Variants in PLXDC1 observed in about 807,000 individuals in gnomAD.
PLXDC1 encodes the protein plexin domain containing 1.
Under a neutral mutation model 61.3 loss-of-function variants are expected in PLXDC1, and 39 were observed. The ratio of observed to expected loss-of-function variants is 0.64; its 90% CI spans 0.49 to 0.83. The LOEUF (loss-of-function observed/expected upper bound fraction) is 0.83. Ranked by LOEUF, PLXDC1 falls within the 40% of genes least tolerant of loss-of-function variation. The probability of loss-of-function intolerance (pLI) is 0.00; values close to 1 mark genes in which losing one functional copy is unlikely to be tolerated. For missense variants in PLXDC1, 596 were observed against 666.5 expected (o/e 0.89, Z 1.17); for synonymous variants, 212 against 254.5 (o/e 0.83, Z 1.59).
chr17:39,067,636 T>C lies in PLXDC1; in HGVS notation c.*204A>G, dbSNP rs76297399. ...GGATGAGATTAGGTTGTTGTTCCTA[T>C]AAAAAATCCATGTGGTTGTTTTTTG... is the stretch of plus-strand genomic sequence containing the variant. On this transcript the variant is annotated 3_prime_UTR_variant, in exon 14 of 14. Coordinates refer to ENST00000315392, the MANE Select transcript of PLXDC1 (RefSeq NM_020405.5). 2,694 of 522,338 alleles carry C rather than the reference T, an allele frequency of 5.2e-3. 66 individuals are homozygous for C. The highest frequency in any genetic ancestry group is 0.046 in the African/African-American group (2,426 of 52,892). 32.4% of individuals were successfully genotyped at this position (522,338 alleles called of 1,614,324 possible).
chr17:39,116,054 G>T (rs1910955038), intron 2 of PLXDC1, among the ~76,000 whole-genome samples: 1 of 152,194 alleles, frequency 6.6e-6, no homozygotes, highest in South Asian at 2.1e-4. Flanking sequence ...AGGAGTGGAG[G>T]TTGCTGTGAG....
intron 7 of PLXDC1, among the ~76,000 whole-genome samples, chr17:39,101,393 A>G (rs924121724): frequency 6.6e-6 from 1 of 152,166 alleles, no homozygotes; most frequent in Non-Finnish European, 1.5e-5. Flanking sequence ...CCTCATGAGG[A>G]GCCATGTGGT....
At chr17:39,116,243 GA>G (rs1013972815) in intron 2 of PLXDC1, among the ~76,000 whole-genome samples, 36 of 152,290 alleles carry the variant, frequency 2.4e-4, no homozygotes, top group African/African-American at 8.7e-4. Flanking sequence ...CCGGGAAGGT[GA>G]CTTAGGCTAC....
At chr17:39,128,116 T>C (rs866631321) in intron 2 of PLXDC1, among the ~76,000 whole-genome samples, 273 of 67,414 alleles carry the variant, frequency 4.0e-3, no homozygotes, top group Middle Eastern at 6.5e-3. Context: ...TATATATATG[T>C]ATATATATAT....
At chr17:39,112,148 A>G (rs1910825966) in intron 2 of PLXDC1, 1 of 152,240 alleles carries the variant, frequency 6.6e-6, no homozygotes, top group African/African-American at 2.4e-5. Flanking sequence ...GCACAAAGGA[A>G]GAGTCCGATG....
chr17:39,086,834 C>T (rs1452485291), intron 8 of PLXDC1, among the ~76,000 whole-genome samples: 2 of 127,936 alleles, frequency 1.6e-5, no homozygotes, highest in African/African-American at 6.0e-5. Flanking sequence ...TGCACTCTAG[C>T]CTGGGCAACA....
intron 2 of PLXDC1, among the ~76,000 whole-genome samples, chr17:39,110,737 C>T (rs1475614269): frequency 2.6e-5 from 4 of 152,338 alleles, no homozygotes; most frequent in East Asian, 1.9e-4. Flanking sequence ...TTGCCCTGGG[C>T]GCAGCGTGAG....
At chr17:39,068,660 GAGT>G (rs2143203388) in intron 13 of PLXDC1, among the ~76,000 whole-genome samples, 1 of 152,316 alleles carries the variant, frequency 6.6e-6, no homozygotes, top group South Asian at 2.1e-4. Flanking sequence ...CTAGGCGACA[GAGT>G]GAGACTGTCT....
Position 39,109,402 on chromosome 17 carries a change from C to T in PLXDC1, c.256-11G>A. On this transcript the variant is annotated splice_polypyrimidine_tract_variant and intron_variant, in intron 2 of 13. Coordinates refer to ENST00000315392, the MANE Select transcript of PLXDC1 (RefSeq NM_020405.5). ...GCTGTGGTTGTCCTCCTGCCGGCACCCAAGATAAAGCCCACAGGAGGTGTG... is the reference window on the plus strand; with the variant it reads ...GCTGTGGTTGTCCTCCTGCCGGCACTCAAGATAAAGCCCACAGGAGGTGTG... The T allele has an allele frequency of 1.3e-6, 2 of 1,574,726 alleles. No individual in the cohort carries two copies. The highest frequency in any genetic ancestry group is 2.3e-5 in the East Asian group (1 of 43,440).
chr17:39,092,603 TC>T (rs1909998637), intron 7 of PLXDC1, among the ~76,000 whole-genome samples: 1 of 152,138 alleles, frequency 6.6e-6, no homozygotes, highest in Non-Finnish European at 1.5e-5. Flanking sequence ...CCTTACAACT[TC>T]CTGAGGTGCA....
rs553727993 is a variant in PLXDC1 at position 39,151,477 on chromosome 17, C to T, written c.-40G>A. On this transcript the variant is annotated 5_prime_UTR_variant, in exon 1 of 14. Coordinates refer to ENST00000315392, the MANE Select transcript of PLXDC1 (RefSeq NM_020405.5). The surrounding 1 kb of genome is among the most constrained non-coding windows in gnomAD (Gnocchi z 5.2). ...CCTGCCCCCGGCCTGCTTGCTGCCC[C>T]GGTCCTGACGAGGGAGGGGGCCCTG... is the stretch of plus-strand genomic sequence containing the variant. 9 of 1,237,582 alleles carry T rather than the reference C, an allele frequency of 7.3e-6. No individual in the cohort carries two copies. The highest frequency in any genetic ancestry group is 4.2e-5 in the Admixed American group (1 of 23,648). 76.7% of individuals were successfully genotyped at this position (1,237,582 alleles called of 1,614,324 possible).
At chr17:39,091,958 C>CAAAAAA (rs71141756) in intron 7 of PLXDC1, among the ~76,000 whole-genome samples, 1 of 105,384 alleles carries the variant, frequency 9.5e-6, no homozygotes, top group East Asian at 2.7e-4. Context: ...GACTCTATCT[C>CAAAAAA]AAAAAAAAAA....
At position 39,067,972 on chromosome 17, in the gene PLXDC1, C is replaced by G; in HGVS notation, c.1384-13G>C. On this transcript the variant is annotated splice_polypyrimidine_tract_variant and intron_variant, in intron 13 of 13. Coordinates refer to ENST00000315392, the MANE Select transcript of PLXDC1 (RefSeq NM_020405.5). ...GGTGAGGTCTACGCTGCAGAAGGCA[C>G]AGAGGCAAAGTCAGTGGGCATGCCC... The G allele has an allele frequency of 6.2e-7, 1 of 1,612,980 alleles. No individual in the cohort carries two copies. Among genetic ancestry groups the G allele is most frequent in the Non-Finnish European group, 8.5e-7 (1 of 1,179,574 alleles).
At chr17:39,122,443 T>G (rs1911195175) in intron 2 of PLXDC1, among the ~76,000 whole-genome samples, 1 of 146,716 alleles carries the variant, frequency 6.8e-6, no homozygotes, top group Non-Finnish European at 1.5e-5. Flanking sequence ...GGGATGCAGA[T>G]GTGATGGTGG....
rs1293256489 is a variant in PLXDC1 at position 39,079,094 on chromosome 17, T to C, written c.1050+10A>G. On this transcript the variant is annotated intron_variant, in intron 10 of 13. Coordinates refer to ENST00000315392, the MANE Select transcript of PLXDC1 (RefSeq NM_020405.5). ...GCACAGGAGTTGCAGCAGATACTTATGCTTCTCACCTCCTGTGCACAGCCA... is the reference window on the plus strand; with the variant it reads ...GCACAGGAGTTGCAGCAGATACTTACGCTTCTCACCTCCTGTGCACAGCCA... 3.7e-6 allele frequency: 6 copies of C among 1,612,000 alleles called. No individual in the cohort carries two copies. The highest frequency in any genetic ancestry group is 1.7e-4 in the Middle Eastern group (1 of 6,012).
Position 39,063,680 on chromosome 17 carries a change from T to G in PLXDC1, c.*4160A>C. The stretch of plus-strand genomic sequence containing the variant: ...ATGCAGAGAGTTTACACTAAACACA[T>G]GAATACATTGTGTTTTAGAAGGCTG... On this transcript the variant is annotated 3_prime_UTR_variant, in exon 14 of 14. Transcript: ENST00000315392. 3.6e-6 allele frequency: 2 copies of G among 561,124 alleles called. No homozygotes were observed. The highest frequency in any genetic ancestry group is 6.3e-6 in the Non-Finnish European group (2 of 317,650). 34.8% of individuals were successfully genotyped at this position (561,124 alleles called of 1,614,324 possible).
chr17:39,092,675 C>T (rs1910001334), intron 7 of PLXDC1, among the ~76,000 whole-genome samples: 2 of 152,192 alleles, frequency 1.3e-5, no homozygotes, highest in South Asian at 2.1e-4. Flanking sequence ...GGAGAGGGGA[C>T]GTTATTTGCC....
chr17:39,084,830 C>T (rs576838320), intron 8 of PLXDC1, among the ~76,000 whole-genome samples: 6 of 152,280 alleles, frequency 3.9e-5, no homozygotes, highest in African/African-American at 1.2e-4. Context: ...GGGCAGGGGG[C>T]GCAGTAGGCA....
intron 2 of PLXDC1, among the ~76,000 whole-genome samples, chr17:39,131,359 C>T (rs11345836): frequency 0.49 from 50,956 of 103,676 alleles, 9,522 homozygotes; most frequent in East Asian, 0.59. Context: ...TTTTTCTTTT[C>T]TTTTTTTTTT....
Sources: allele counts gnomAD v4.1 joint callset (sites outside exome capture counted in the v4.1 genomes callset), GRCh38; gene constraint gnomAD v4.1.1; non-coding constraint Gnocchi (gnomAD v3.1); transcripts MANE v1.5; gene names NCBI Gene and HGNC (gene_info 2026-07-23, HGNC 2026-07-21).